The following ANKFN1 variants were observed in gnomAD, a reference collection of about 807,000 sequenced individuals.
ANKFN1 encodes ankyrin repeat and fibronectin type-III domain-containing protein 1.
Under a neutral mutation model 108.7 loss-of-function variants are expected in ANKFN1, and 74 were observed. The observed-to-expected ratio is 0.68, with a 90% CI of 0.56 to 0.83. The LOEUF (loss-of-function observed/expected upper bound fraction) is 0.83. Among genes scored for constraint, ANKFN1 ranks in the 40% least tolerant of loss-of-function variants. ANKFN1 has a pLI of 0.00. For synonymous variants in ANKFN1, 547 were observed against 516.2 expected (o/e 1.06, Z -0.81); for missense variants, 1,505 against 1,382.3 (o/e 1.09, Z -1.41).
intron 8 of ANKFN1, among the ~76,000 whole-genome samples, chr17:56,417,849 A>G (rs1234330058): frequency 6.6e-6 from 1 of 152,158 alleles, no homozygotes; most frequent in Non-Finnish European, 1.5e-5. Flanking sequence ...GAACTCTCTG[A>G]AGTCCACCTT....
intron 14 of ANKFN1, among the ~76,000 whole-genome samples, chr17:56,461,856 A>T (rs2049913625): frequency 6.6e-6 from 1 of 152,176 alleles, no homozygotes; most frequent in Non-Finnish European, 1.5e-5. Flanking sequence ...ATCACACTTG[A>T]GGGAAACTTT....
intron 3 of ANKFN1, among the ~76,000 whole-genome samples, chr17:56,235,511 A>G (rs1169036329): frequency 6.6e-6 from 1 of 152,054 alleles, no homozygotes; most frequent in Non-Finnish European, 1.5e-5. Flanking sequence ...TCTTTAATCT[A>G]TCTTTAGTTG....
chr17:56,458,068 G>C, intron 14 of ANKFN1, 89 bp downstream of exon 14: 5 of 1,085,882 alleles, frequency 4.6e-6, no homozygotes, highest in Non-Finnish European at 6.8e-6. Context: ...AAAGGAAAAG[G>C]ATGGGCTCCC....
intron 1 of ANKFN1, among the ~76,000 whole-genome samples, chr17:56,193,925 G>A (rs1913249803): frequency 6.6e-6 from 1 of 152,154 alleles, no homozygotes; most frequent in Admixed American, 6.5e-5. Flanking sequence ...AAAACCCAAT[G>A]AGAAGAAAAC....
chr17:56,218,008 C>CT (rs1379792694), intron 2 of ANKFN1, among the ~76,000 whole-genome samples: 1 of 152,176 alleles, frequency 6.6e-6, no homozygotes, highest in Non-Finnish European at 1.5e-5. Context: ...GAACTTCATC[C>CT]TTTCTCACCT....
At chr17:56,270,337 C>A (rs760609486) in intron 3 of ANKFN1, among the ~76,000 whole-genome samples, 2 of 152,230 alleles carry the variant, frequency 1.3e-5, no homozygotes, top group Non-Finnish European at 2.9e-5. Context: ...CAGCAAGAAA[C>A]AGACAAGGCT....
chr17:56,317,065 C>T (rs2045229617), intron 3 of ANKFN1, among the ~76,000 whole-genome samples: 1 of 152,108 alleles, frequency 6.6e-6, no homozygotes, highest in South Asian at 2.1e-4. Context: ...ACCATATGTC[C>T]AATACAAACC....
intron 4 of ANKFN1, among the ~76,000 whole-genome samples, chr17:56,049,726 AT>A (rs1372816629): frequency 6.7e-6 from 1 of 148,526 alleles, no homozygotes; most frequent in Non-Finnish European, 1.5e-5. Flanking sequence ...TGAACTCATC[AT>A]TTTTTATGGC....
chr17:56,243,914 TG>T (rs2144017606), intron 3 of ANKFN1, among the ~76,000 whole-genome samples: 1 of 152,288 alleles, frequency 6.6e-6, no homozygotes, highest in African/African-American at 2.4e-5. Flanking sequence ...TCTGGGCCTT[TG>T]AAGACATTTT....
intron 8 of ANKFN1, among the ~76,000 whole-genome samples, chr17:56,398,599 A>G (rs1598527726): frequency 2.0e-5 from 3 of 152,318 alleles, no homozygotes; most frequent in Admixed American, 2.0e-4. Flanking sequence ...GCATAAATTT[A>G]GTATTCAATA....
chr17:56,510,172 G>C (rs563722350), intron 20 of ANKFN1, among the ~76,000 whole-genome samples: 4 of 152,334 alleles, frequency 2.6e-5, no homozygotes, highest in African/African-American at 9.6e-5. Flanking sequence ...TAATAAAAGC[G>C]TGTGTGGGAA....
At chr17:56,456,768 G>T (rs968065331) in intron 11 of ANKFN1, 93 bp from the exon 12 acceptor site, 8 of 966,548 alleles carry the variant, frequency 8.3e-6, no homozygotes, top group Non-Finnish European at 1.2e-5. Context: ...CTAAAGGGAT[G>T]GGGGAGGGGA....
chr17:56,280,298 T>C (rs115874566), intron 3 of ANKFN1, among the ~76,000 whole-genome samples: 13,273 of 152,102 alleles, frequency 0.087, 1,572 homozygotes, highest in African/African-American at 0.27. Flanking sequence ...CTCACTAATG[T>C]GGGAGGGCAG....
intron 1 of ANKFN1, among the ~76,000 whole-genome samples, chr17:56,202,924 C>A (rs1914184401): frequency 6.6e-6 from 1 of 152,120 alleles, no homozygotes; most frequent in African/African-American, 2.4e-5. Context: ...ACATAAAATA[C>A]TAATGAGAAA....
intron 3 of ANKFN1, among the ~76,000 whole-genome samples, chr17:56,272,041 T>C (rs143663484): frequency 6.6e-6 from 1 of 152,192 alleles, no homozygotes; most frequent in South Asian, 2.1e-4. Flanking sequence ...CCAGAAAACA[T>C]GGTTTTGTTA....
At chr17:56,233,415 T>C (rs922821678) in intron 3 of ANKFN1, among the ~76,000 whole-genome samples, 2 of 152,084 alleles carry the variant, frequency 1.3e-5, no homozygotes, top group Non-Finnish European at 2.9e-5. Context: ...CTGAAGTCCT[T>C]CAAAGGGGAA....
intron 11 of ANKFN1, among the ~76,000 whole-genome samples, chr17:56,450,453 C>G (rs1008925524): frequency 6.6e-6 from 1 of 152,176 alleles, no homozygotes; most frequent in Admixed American, 6.5e-5. Flanking sequence ...AAATAATATT[C>G]TTCTAATGAC....
In ANKFN1 at chr17:56,498,881, G is replaced by A; in HGVS notation, c.2428-1G>A. On this transcript the variant is annotated splice_acceptor_variant, in intron 19 of 20. Coordinates refer to ENST00000682825, the MANE Select transcript of ANKFN1 (RefSeq NM_001370326.1). LOFTEE classifies it high-confidence loss of function. Reference sequence around the variant, plus strand: ...GTGTCTTTTACCATTTTATTCCAAAGCAAATAGATGAAGTCTGGCGTGAAA... The same window carrying A: ...GTGTCTTTTACCATTTTATTCCAAAACAAATAGATGAAGTCTGGCGTGAAA... 3 of 1,534,960 alleles carry A rather than the reference G, an allele frequency of 2.0e-6. No homozygotes were observed. Among genetic ancestry groups the A allele is most frequent in the Non-Finnish European group, 2.6e-6 (3 of 1,146,034 alleles).
At chr17:56,467,798 G>GAAA (rs377184903) in intron 15 of ANKFN1, among the ~76,000 whole-genome samples, 1 of 30,862 alleles carries the variant, frequency 3.2e-5, no homozygotes, top group African/African-American at 7.6e-5. Context: ...AAAGAAGAAA[G>GAAA]AAAGAAAGAA....
Sources: gnomAD v4.1 joint callset for allele counts (sites outside exome capture counted in the v4.1 genomes callset) on GRCh38, gnomAD v4.1.1 for gene constraint, MANE v1.5 for transcripts, NCBI Gene and HGNC (gene_info 2026-07-23, HGNC 2026-07-21) for gene names.